RAD52: variants seen among roughly 807,000 people sequenced by gnomAD.
RAD52 encodes DNA repair protein RAD52 homolog.
Under a neutral mutation model 55.5 loss-of-function variants are expected in RAD52, and 47 were observed. The observed-to-expected ratio is 0.85, with a 90% CI of 0.67 to 1.08. RAD52 has a LOEUF of 1.08. Ranked by LOEUF, RAD52 falls within the 50% of genes least tolerant of loss-of-function variation. The pLI is 0.00. For missense variants in RAD52, 468 were observed against 522.8 expected (o/e 0.90, Z 1.02); for synonymous variants, 184 against 198.9 (o/e 0.92, Z 0.63).
intron 7 of RAD52, among the ~76,000 whole-genome samples, chr12:924,922 C>T (rs1956941710): frequency 6.6e-6 from 1 of 151,510 alleles, no homozygotes; most frequent in African/African-American, 2.4e-5. Flanking sequence ...ATTCTCTAGA[C>T]CTCACATTCT....
rs1263231741 is a variant in RAD52, at chr12:911,773, T to TTTAC, written c.*1614_*1617dup. ...GCTCATGCCTATAATTCTAGTACTTTTTACTTTGGGAGGCCGAGGTGGGCA... is the reference window on the plus strand; with the variant it reads ...GCTCATGCCTATAATTCTAGTACTTTTTACTTACTTTGGGAGGCCGAGGTGGGCA... On this transcript the variant is annotated 3_prime_UTR_variant, in exon 12 of 12. Transcript: ENST00000358495. Among the ~76,000 whole-genome samples, 6 of 152,164 alleles carry TTTAC rather than the reference T, an allele frequency of 3.9e-5. No homozygotes were observed. The highest frequency in any genetic ancestry group is 1.4e-4 in the African/African-American group (6 of 41,436).
At chr12:990,161 G>A (rs1416706340), upstream of RAD52, 1 of 152,102 alleles carries the variant, frequency 6.6e-6, no homozygotes, top group Non-Finnish European at 1.5e-5. Flanking sequence ...AGTATAAAGT[G>A]GTTAATTACG....
chr12:948,979 G>C (rs1213917494), intron 1 of RAD52, among the ~76,000 whole-genome samples: 2 of 152,210 alleles, frequency 1.3e-5, no homozygotes, highest in Non-Finnish European at 2.9e-5. Flanking sequence ...GATTACAGGT[G>C]TGAGACGCCG....
upstream of RAD52, among the ~76,000 whole-genome samples, chr12:953,688 G>A (rs1239305629): frequency 6.6e-6 from 1 of 152,198 alleles, no homozygotes; most frequent in African/African-American, 2.4e-5. Flanking sequence ...CCACCCAGTT[G>A]TGGTAATTTG....
chr12:986,027 C>T (rs1430593886), intron 1 of RAD52, among the ~76,000 whole-genome samples: 1 of 151,730 alleles, frequency 6.6e-6, no homozygotes, highest in East Asian at 1.9e-4. Context: ...CTCTGCCTCC[C>T]AGGTTCAAGT....
chr12:967,345 C>T (rs1958784135), intron 1 of RAD52, among the ~76,000 whole-genome samples: 1 of 148,766 alleles, frequency 6.7e-6, no homozygotes, highest in Admixed American at 6.7e-5. Context: ...TACCACTGCA[C>T]TCATCCAGCC....
chr12:975,443 G>C (rs1661408162), intron 1 of RAD52: 1 of 152,126 alleles, frequency 6.6e-6, no homozygotes, highest in South Asian at 2.1e-4. Context: ...CTCCAAATTT[G>C]AATTTAAAAT....
chr12:948,105 C>T (rs1427284022), intron 1 of RAD52, among the ~76,000 whole-genome samples: 1 of 151,620 alleles, frequency 6.6e-6, no homozygotes, highest in Non-Finnish European at 1.5e-5. Flanking sequence ...GTGGTATATC[C>T]ACACAATAAA....
At chr12:958,933 C>A (rs1197343258) in intron 1 of RAD52, among the ~76,000 whole-genome samples, 2 of 152,168 alleles carry the variant, frequency 1.3e-5, no homozygotes, top group Non-Finnish European at 2.9e-5. Context: ...TTGAATTCCC[C>A]TGCGATCCTC....
At chr12:973,803 T>TTTTTTTTTTTTTTTTA (rs1453866220) in intron 1 of RAD52, among the ~76,000 whole-genome samples, 1 of 148,606 alleles carries the variant, frequency 6.7e-6, no homozygotes, top group African/African-American at 2.5e-5. Flanking sequence ...TTTTTTTTTT[T>TTTTTTTTTTTTTTTTA]TAAGAAATGT....
intron 1 of RAD52, among the ~76,000 whole-genome samples, chr12:970,185 T>C (rs1259313351): frequency 6.6e-6 from 1 of 151,830 alleles, no homozygotes; most frequent in Non-Finnish European, 1.5e-5. Context: ...CAGGTGCCTG[T>C]GATCCCAGCT....
At chr12:939,890 G>A (rs902874828) in intron 1 of RAD52, among the ~76,000 whole-genome samples, 1 of 151,794 alleles carries the variant, frequency 6.6e-6, no homozygotes, top group Non-Finnish European at 1.5e-5. Context: ...GCCTGGCCAA[G>A]ATGGTGAAAC....
At chr12:943,476 G>A (rs1359145699) in intron 1 of RAD52, among the ~76,000 whole-genome samples, 2 of 152,116 alleles carry the variant, frequency 1.3e-5, no homozygotes, top group African/African-American at 4.8e-5. Flanking sequence ...CCGAGTAACT[G>A]GGACTACAGG....
At chr12:932,853 CA>C in intron 2 of RAD52, 121 bp downstream of exon 2, 1 of 680,360 alleles carries the variant, frequency 1.5e-6, no homozygotes, top group East Asian at 2.6e-5. Context: ...ACTGCTCACA[CA>C]CGTACTAGGT....
At chr12:919,181 C>T (rs1956571474) in intron 7 of RAD52, among the ~76,000 whole-genome samples, 1 of 152,184 alleles carries the variant, frequency 6.6e-6, no homozygotes, top group South Asian at 2.1e-4. Flanking sequence ...AATGGTGGCT[C>T]ATGCCTGTAA....
chr12:929,830 C>T lies in RAD52; in HGVS notation c.337G>A (p.Val113Ile). Residue 113 changes from valine to isoleucine, a missense_variant, in exon 5 of 12, where the codon GTC becomes ATC. Transcript: ENST00000358495. ...FYVGVCAFVRVQLKDGSYHED... is the reference protein window; with the variant it reads ...FYVGVCAFVRIQLKDGSYHED... ...CTCCATCCCCTCACCTTCAGCTGGA[C>T]CCTCACAAATGCACAGACTCCCACG... The T allele has an allele frequency of 6.2e-7, 1 of 1,613,896 alleles. No individual in the cohort carries two copies. Among genetic ancestry groups the T allele is most frequent in the Non-Finnish European group, 8.5e-7 (1 of 1,179,784 alleles).
chr12:988,326 T>A (rs1203771717), intron 1 of RAD52, among the ~76,000 whole-genome samples: 1 of 152,238 alleles, frequency 6.6e-6, no homozygotes, highest in Non-Finnish European at 1.5e-5. Flanking sequence ...CCTAGTATAC[T>A]AATTAGGTTT....
intron 3 of RAD52, 143 bp downstream of exon 3, chr12:931,077 A>C: frequency 3.4e-6 from 2 of 595,258 alleles, no homozygotes; most frequent in South Asian, 2.2e-5. Flanking sequence ...TCTGGAACCC[A>C]TCCCCTCCCA....
At chr12:950,258 G>T (rs924601513), upstream of RAD52, among the ~76,000 whole-genome samples, 2 of 152,106 alleles carry the variant, frequency 1.3e-5, no homozygotes, top group African/African-American at 4.8e-5. Flanking sequence ...GTGCGGCTTG[G>T]GGGGCGAAGT....
Sources: gnomAD v4.1 joint callset for allele counts (sites outside exome capture counted in the v4.1 genomes callset) on GRCh38, gnomAD v4.1.1 for gene constraint, MANE v1.5 for transcripts, NCBI Gene and HGNC (gene_info 2026-07-23, HGNC 2026-07-21) for gene names.